CHIC1: variants seen among roughly 807,000 people sequenced by gnomAD.
CHIC1 encodes cysteine rich hydrophobic domain 1.
CHIC1 carries 7 observed loss-of-function variants against 18.5 expected under a neutral mutation model. The observed-to-expected ratio is 0.38, with a 90% CI of 0.22 to 0.71. The LOEUF (loss-of-function observed/expected upper bound fraction) is 0.71. Ranked by LOEUF, CHIC1 falls within the 30% of genes least tolerant of loss-of-function variation. CHIC1 has a pLI of 0.49. For missense variants in CHIC1, 159 were observed against 176.9 expected (o/e 0.90, Z 0.57); for synonymous variants, 77 against 73.5 (o/e 1.05, Z -0.25).
intron 3 of CHIC1, among the ~76,000 whole-genome samples, chrX:73,671,674 C>G (rs1053240128): frequency 2.7e-5 from 3 of 109,779 alleles, no homozygotes; most frequent in African/African-American, 9.9e-5. Context: ...AATTGCTTTC[C>G]TGAGTTTTAA....
chrX:73,618,925 CAA>C (rs1281042181), intron 3 of CHIC1, among the ~76,000 whole-genome samples: 1 of 112,338 alleles, frequency 8.9e-6, no homozygotes, highest in African/African-American at 3.2e-5. Context: ...CTCTGCAAGA[CAA>C]AGTCAGAAAT....
chrX:73,662,241 C>CA (rs1271486132), intron 3 of CHIC1, among the ~76,000 whole-genome samples: 1 of 108,688 alleles, frequency 9.2e-6, no homozygotes. Context: ...CTGATGACAT[C>CA]AGGGTCATAA....
chrX:73,654,705 A>G (rs1285427754), intron 3 of CHIC1, among the ~76,000 whole-genome samples: 1 of 111,700 alleles, frequency 9.0e-6, no homozygotes, highest in Non-Finnish European at 1.9e-5. Flanking sequence ...AATGAATCAC[A>G]TTTCACATTA....
chrX:73,572,500 A>C (rs2057475887), intron 1 of CHIC1, among the ~76,000 whole-genome samples: 1 of 111,147 alleles, frequency 9.0e-6, no homozygotes, highest in African/African-American at 3.3e-5. Flanking sequence ...TGCTGGTTTA[A>C]ATTGTAGTTC....
At chrX:73,622,965 A>G (rs773414128) in intron 3 of CHIC1, among the ~76,000 whole-genome samples, 10 of 111,886 alleles carry the variant, frequency 8.9e-5, no homozygotes, top group Non-Finnish European at 1.7e-4. Flanking sequence ...ATTCAGGAGC[A>G]GGTTGTTCAG....
chrX:73,625,770 G>A (rs993856921), intron 3 of CHIC1, among the ~76,000 whole-genome samples: 6 of 110,649 alleles, frequency 5.4e-5, no homozygotes, highest in African/African-American at 2.0e-4. Flanking sequence ...TCCTAAGTTG[G>A]GCCTCAAACC....
At chrX:73,612,627 C>G (rs1028318383) in intron 3 of CHIC1, among the ~76,000 whole-genome samples, 13 of 111,566 alleles carry the variant, frequency 1.2e-4, no homozygotes, top group Non-Finnish European at 2.4e-4. Flanking sequence ...CTACATTCCT[C>G]TTGTTATTGA....
Position 73,679,729 on chromosome X carries a change from T to C in CHIC1, c.624+16T>C. On this transcript the variant is annotated intron_variant, in intron 5 of 5. Transcript: ENST00000373502. ...GATGGAGTATGTAAGTATGAGGTTG[T>C]TTTTAATTATTTTTTTATTCATTCT... 1.1e-6 allele frequency: 1 copy of C among 887,088 alleles called. No individual in the cohort carries two copies. Among genetic ancestry groups the C allele is most frequent in the South Asian group, 3.1e-5 (1 of 31,954 alleles). The allele number at this position is 887,088 out of a possible 1,213,427, so 73.1% of individuals were successfully genotyped here. A position where few individuals can be genotyped will look rare whatever the true frequency, so the allele number is the denominator to read the frequency against.
intron 3 of CHIC1, among the ~76,000 whole-genome samples, chrX:73,657,141 G>T (rs1308248796): frequency 9.5e-6 from 1 of 105,446 alleles, no homozygotes; most frequent in African/African-American, 3.5e-5. Flanking sequence ...CTCACTGCAA[G>T]CTCCACCTTC....
chrX:73,575,667 G>A (rs554919256), intron 1 of CHIC1, among the ~76,000 whole-genome samples: 13 of 109,515 alleles, frequency 1.2e-4, no homozygotes, highest in Admixed American at 3.9e-4. Context: ...ATGAATAGAT[G>A]TTGAAGGACC....
chrX:73,664,859 C>T (rs1310717189), intron 3 of CHIC1, among the ~76,000 whole-genome samples: 4 of 111,664 alleles, frequency 3.6e-5, no homozygotes, highest in African/African-American at 1.3e-4. Context: ...ATATTCTGCC[C>T]TCCAGAGGAG....
At position 73,603,912 on chromosome X, in the gene CHIC1, A is replaced by G. The variant is rs760862624; in HGVS notation, c.507+19340A>G. On this transcript the variant is annotated intron_variant, in intron 3 of 5. Transcript: ENST00000373502. ...GCTGGATTCGGTTTGCCAGTATTTT[A>G]TTGAGGATTTTCGCATCAATGTTCA... 3.1e-4 allele frequency among the ~76,000 whole-genome samples: 34 copies of G among 108,789 alleles called. 1 individual carries two copies. The highest frequency in any genetic ancestry group is 5.6e-4 in the Non-Finnish European group (30 of 53,113). 94.5% of individuals were successfully genotyped at this position (108,789 alleles called of 115,157 possible).
At chrX:73,563,618 G>A in intron 1 of CHIC1, 38 bp downstream of exon 1, 1 of 1,037,883 alleles carries the variant, frequency 9.6e-7, no homozygotes, top group Non-Finnish European at 1.2e-6. Context: ...AAATGCCTGA[G>A]ATTTGGCAAC....
intron 3 of CHIC1, among the ~76,000 whole-genome samples, chrX:73,666,297 A>G (rs1249963902): frequency 9.0e-6 from 1 of 111,410 alleles, no homozygotes; most frequent in Admixed American, 9.6e-5. Context: ...TTTATTATGT[A>G]TTAACTTACA....
intron 3 of CHIC1, among the ~76,000 whole-genome samples, chrX:73,585,182 A>G (rs1430820943): frequency 2.7e-5 from 3 of 111,942 alleles, no homozygotes; most frequent in African/African-American, 9.7e-5. Flanking sequence ...CTAGTACTGT[A>G]TGAATGATTT....
At chrX:73,645,159 T>A (rs1343654095) in intron 3 of CHIC1, among the ~76,000 whole-genome samples, 1 of 112,674 alleles carries the variant, frequency 8.9e-6, no homozygotes, top group Non-Finnish European at 1.9e-5. Flanking sequence ...ATAAGTGAGA[T>A]CACACAGTAT....
chrX:73,683,711 AT>A lies in CHIC1; in HGVS notation c.*2708del, dbSNP rs1161630917. 1 of 111,958 alleles carries A rather than the reference AT, an allele frequency of 8.9e-6. No individual in the cohort carries two copies. Among genetic ancestry groups the A allele is most frequent in the Non-Finnish European group, 1.9e-5 (1 of 52,967 alleles). 9.2% of individuals were successfully genotyped at this position (111,958 alleles called of 1,213,427 possible). A position where few individuals can be genotyped will look rare whatever the true frequency, so the allele number is the denominator to read the frequency against. On this transcript the variant is annotated 3_prime_UTR_variant, in exon 6 of 6. Transcript: ENST00000373502. ...TATATAAATCTCACAAGGCTTTAAG[AT>A]TACAAGCTAAAATTGTTTTTTAAAA... is the stretch of plus-strand genomic sequence containing the variant.
At chrX:73,568,410 C>A (rs2057455111) in intron 1 of CHIC1, among the ~76,000 whole-genome samples, 1 of 111,283 alleles carries the variant, frequency 9.0e-6, no homozygotes, top group African/African-American at 3.3e-5. Context: ...ATTAGGAGAT[C>A]TTTTTCCAAA....
At chrX:73,646,402 G>C (rs2057889585) in intron 3 of CHIC1, among the ~76,000 whole-genome samples, 1 of 111,953 alleles carries the variant, frequency 8.9e-6, no homozygotes, top group Non-Finnish European at 1.9e-5. Context: ...GGTTCCAAGT[G>C]AATTTTAGGA....
Sources: gnomAD v4.1 joint callset for allele counts (sites outside exome capture counted in the v4.1 genomes callset) on GRCh38, gnomAD v4.1.1 for gene constraint, MANE v1.5 for transcripts, NCBI Gene and HGNC (gene_info 2026-07-23, HGNC 2026-07-21) for gene names.